The following FAM13A variants were observed in gnomAD, a reference collection of about 807,000 sequenced individuals.
FAM13A encodes the protein protein FAM13A.
In FAM13A, 76 loss-of-function variants were observed where a neutral mutation model predicts 129.6. The ratio of observed to expected loss-of-function variants is 0.59; its 90% CI spans 0.49 to 0.71. The LOEUF is 0.71. FAM13A is among the 30% of genes least tolerant of loss of function. The probability of loss-of-function intolerance (pLI) is 0.00; values close to 1 mark genes in which losing one functional copy is unlikely to be tolerated. For missense variants in FAM13A, 1,108 were observed against 1,249.3 expected, an observed-to-expected ratio of 0.89 and a Z score of 1.70; for synonymous variants, 443 against 449.9, an observed-to-expected ratio of 0.98 and a Z score of 0.20.
chr4:88,924,448 T>C (rs960299529), intron 5 of FAM13A, among the ~76,000 whole-genome samples: 61 of 152,210 alleles, frequency 4.0e-4, no homozygotes, highest in Admixed American at 8.5e-4. Flanking sequence ...AAACAAGAAA[T>C]GGGGAAAGGG....
chr4:88,978,249 A>T lies in FAM13A; in HGVS notation c.605+12724T>A, dbSNP rs114638566. 3.0e-3 allele frequency among the ~76,000 whole-genome samples: 451 copies of T among 152,324 alleles called. 4 individuals are homozygous for T. Among genetic ancestry groups the T allele is most frequent in the African/African-American group, 0.01 (436 of 41,568 alleles). ...TTACAAGTTCTATTTTAACTCTGTA[A>T]TCCTAAATAATACTTTCTACACTTC... is the stretch of plus-strand genomic sequence containing the variant. On this transcript the variant is annotated intron_variant, in intron 4 of 23. Transcript: ENST00000264344.
intron 1 of FAM13A, among the ~76,000 whole-genome samples, chr4:89,042,895 A>G (rs2149163196): frequency 6.6e-6 from 1 of 152,356 alleles, no homozygotes; most frequent in Admixed American, 6.5e-5. Flanking sequence ...GACTCTATGT[A>G]CTTAGTACTG....
chr4:88,832,945 C>A (rs1734148902), intron 7 of FAM13A, among the ~76,000 whole-genome samples: 1 of 152,116 alleles, frequency 6.6e-6, no homozygotes, highest in South Asian at 2.1e-4. Context: ...TTCACCACAG[C>A]ACTATTCACA....
chr4:88,771,312 A>G (rs1720639586), intron 11 of FAM13A, among the ~76,000 whole-genome samples: 1 of 152,180 alleles, frequency 6.6e-6, no homozygotes, highest in Non-Finnish European at 1.5e-5. Flanking sequence ...GAAATAGATC[A>G]GTAATCTCTC....
chr4:88,787,157 A>G (rs1210600604), intron 10 of FAM13A, among the ~76,000 whole-genome samples: 2 of 152,178 alleles, frequency 1.3e-5, no homozygotes, highest in East Asian at 3.8e-4. Flanking sequence ...TTCATGGAGA[A>G]TAAAGCTCTT....
intron 8 of FAM13A, among the ~76,000 whole-genome samples, chr4:88,791,447 G>A (rs557361179): frequency 1.4e-4 from 22 of 152,154 alleles, no homozygotes; most frequent in African/African-American, 5.3e-4. Context: ...GTTGAGGCTG[G>A]CAGCTATTTT....
At chr4:88,835,417 C>G (rs1407318155) in intron 7 of FAM13A, among the ~76,000 whole-genome samples, 1 of 147,450 alleles carries the variant, frequency 6.8e-6, no homozygotes, top group Non-Finnish European at 1.5e-5. Context: ...TGGTCCTCAA[C>G]CTTTTTGCCA....
intron 11 of FAM13A, among the ~76,000 whole-genome samples, chr4:88,768,708 T>C (rs1425752056): frequency 6.6e-6 from 1 of 152,158 alleles, no homozygotes; most frequent in Admixed American, 6.6e-5. Flanking sequence ...ACCTTTCTTT[T>C]TACAATATTT....
chr4:89,004,418 C>T (rs1231447460), intron 3 of FAM13A, among the ~76,000 whole-genome samples: 5 of 152,172 alleles, frequency 3.3e-5, no homozygotes, highest in Admixed American at 6.5e-5. Context: ...GGATTACAGG[C>T]GTGAGCCACC....
chr4:88,878,490 C>T (rs930376427), intron 6 of FAM13A, among the ~76,000 whole-genome samples: 2 of 151,740 alleles, frequency 1.3e-5, no homozygotes, highest in Admixed American at 6.6e-5. Context: ...CTTATCATGT[C>T]TAAAATTAGA....
At chr4:88,911,708 G>A (rs1335366072) in intron 5 of FAM13A, among the ~76,000 whole-genome samples, 6 of 152,062 alleles carry the variant, frequency 3.9e-5, no homozygotes, top group African/African-American at 1.2e-4. Flanking sequence ...CTCCTTCAAC[G>A]GTCTCCTGTC....
chr4:89,051,314 T>G (rs28600923), intron 1 of FAM13A, among the ~76,000 whole-genome samples: 1 of 151,922 alleles, frequency 6.6e-6, no homozygotes, highest in Non-Finnish European at 1.5e-5. Context: ...GGTCAAATAA[T>G]TCTCTGGGGT....
chr4:88,790,676 A>C, intron 8 of FAM13A, 49 bp from the exon 9 acceptor site: 1 of 1,529,234 alleles, frequency 6.5e-7, no homozygotes, highest in Non-Finnish European at 9.0e-7. Flanking sequence ...AAGATCAGAG[A>C]TGATGAACCA....
intron 2 of FAM13A, among the ~76,000 whole-genome samples, chr4:89,022,396 A>T (rs777914679): frequency 1.3e-5 from 2 of 152,156 alleles, no homozygotes; most frequent in Non-Finnish European, 2.9e-5. Context: ...GTTCTTCCAC[A>T]TATACATATT....
chr4:89,047,364 C>A (rs1350932586), intron 1 of FAM13A, among the ~76,000 whole-genome samples: 1 of 151,972 alleles, frequency 6.6e-6, no homozygotes, highest in Non-Finnish European at 1.5e-5. Context: ...GTGTTACTAT[C>A]ACAACAAGAA....
At chr4:88,837,718 C>CAAAAAA (rs34184242) in intron 7 of FAM13A, among the ~76,000 whole-genome samples, 1 of 71,534 alleles carries the variant, frequency 1.4e-5, no homozygotes, top group Non-Finnish European at 2.8e-5. Context: ...AACTCCGTCT[C>CAAAAAA]AAAAAAAAAA....
chr4:88,823,099 C>CTGGGT, intron 7 of FAM13A: 1 of 1,589,254 alleles, frequency 6.3e-7, no homozygotes, highest in Non-Finnish European at 8.6e-7. Context: ...AGTGGCTAAG[C>CTGGGT]TGGGTTGGGG....
At chr4:88,960,367 G>T (rs1156269513) in intron 4 of FAM13A, among the ~76,000 whole-genome samples, 1 of 152,106 alleles carries the variant, frequency 6.6e-6, no homozygotes, top group African/African-American at 2.4e-5. Flanking sequence ...CTAGTTGTGA[G>T]TGAGATATAA....
chr4:88,786,267 G>C (rs1482822367), intron 10 of FAM13A, among the ~76,000 whole-genome samples: 4 of 152,062 alleles, frequency 2.6e-5, no homozygotes, highest in Non-Finnish European at 5.9e-5. Flanking sequence ...ACCTCCACCT[G>C]CTAGCCCTCT....
Sources: gnomAD v4.1 joint callset for allele counts (sites outside exome capture counted in the v4.1 genomes callset) on GRCh38, gnomAD v4.1.1 for gene constraint, MANE v1.5 for transcripts, NCBI Gene and HGNC (gene_info 2026-07-23, HGNC 2026-07-21) for gene names.